Variants in DGKG observed in about 807,000 individuals in gnomAD.
DGKG encodes the protein diacylglycerol kinase gamma.
In DGKG, 78 loss-of-function variants were observed where a neutral mutation model predicts 105.3. The ratio of observed to expected loss-of-function variants is 0.74; its 90% CI spans 0.62 to 0.89. The LOEUF is 0.89. Among genes scored for constraint, DGKG ranks in the 40% least tolerant of loss-of-function variants. The probability of loss-of-function intolerance (pLI) is 0.00; values close to 1 mark genes in which losing one functional copy is unlikely to be tolerated. For missense variants in DGKG, 958 were observed against 1,020.1 expected, an observed-to-expected ratio of 0.94 and a Z score of 0.83; for synonymous variants, 346 against 367.1, an observed-to-expected ratio of 0.94 and a Z score of 0.66.
chr3:186,347,174 C>T (rs868499749), intron 1 of DGKG, among the ~76,000 whole-genome samples: 7 of 151,838 alleles, frequency 4.6e-5, no homozygotes, highest in African/African-American at 1.2e-4. Flanking sequence ...ATTGGCCAGG[C>T]GGGGCGGCTC....
At chr3:186,150,319 G>C in intron 24 of DGKG, 131 bp from the exon 25 acceptor site, 13 of 1,224,790 alleles carry the variant, frequency 1.1e-5, no homozygotes, top group Non-Finnish European at 1.3e-5. Flanking sequence ...AACTGTCCTT[G>C]AACGGCTTCA....
chr3:186,353,186 C>A (rs1322952381), intron 1 of DGKG, among the ~76,000 whole-genome samples: 2 of 152,122 alleles, frequency 1.3e-5, no homozygotes, highest in South Asian at 2.1e-4. Context: ...AGGTCCAATA[C>A]CTTCCCAGGC....
chr3:186,312,377 T>G (rs960825076), intron 2 of DGKG, among the ~76,000 whole-genome samples: 2 of 152,140 alleles, frequency 1.3e-5, no homozygotes, highest in African/African-American at 4.8e-5. Flanking sequence ...TCTGTAGGAC[T>G]GGGCCACAGC....
chr3:186,216,718 C>G (rs1018249454), intron 20 of DGKG, among the ~76,000 whole-genome samples: 1 of 152,184 alleles, frequency 6.6e-6, no homozygotes, highest in Non-Finnish European at 1.5e-5. Flanking sequence ...GCAGCCCCCA[C>G]TCTCCCTGAC....
intron 1 of DGKG, among the ~76,000 whole-genome samples, chr3:186,331,028 T>C (rs1725577774): frequency 6.6e-6 from 1 of 152,352 alleles, no homozygotes. Context: ...AACTTATTCA[T>C]GTCTTAAAAT....
chr3:186,296,043 A>G (rs1723543037), intron 5 of DGKG, among the ~76,000 whole-genome samples: 1 of 151,408 alleles, frequency 6.6e-6, no homozygotes, highest in African/African-American at 2.4e-5. Context: ...TGGGAGCTCG[A>G]GGCTGCAGTA....
At chr3:186,185,593 C>T (rs741483) in intron 22 of DGKG, among the ~76,000 whole-genome samples, 110,969 of 151,806 alleles carry the variant, frequency 0.73, 40,851 homozygotes, top group East Asian at 0.94. Flanking sequence ...CTGCTCATTC[C>T]CTTCTCTGCT....
chr3:186,341,678 T>A (rs1726092707), intron 1 of DGKG, among the ~76,000 whole-genome samples: 1 of 152,190 alleles, frequency 6.6e-6, no homozygotes, highest in Non-Finnish European at 1.5e-5. Flanking sequence ...TGTTTGTTTT[T>A]TTCTTGTAAA....
At chr3:186,180,957 C>A (rs1185825291) in intron 22 of DGKG, among the ~76,000 whole-genome samples, 1 of 152,194 alleles carries the variant, frequency 6.6e-6, no homozygotes, top group East Asian at 1.9e-4. Flanking sequence ...AAAGTGTTCA[C>A]ATCTAGGAGG....
intron 1 of DGKG, among the ~76,000 whole-genome samples, chr3:186,350,540 G>C (rs972707633): frequency 2.0e-5 from 3 of 152,206 alleles, no homozygotes; most frequent in African/African-American, 7.2e-5. Flanking sequence ...GAAGAATGCT[G>C]TTATAAACAT....
chr3:186,302,115 C>T (rs1723949736), intron 3 of DGKG, among the ~76,000 whole-genome samples: 1 of 152,122 alleles, frequency 6.6e-6, no homozygotes, highest in Non-Finnish European at 1.5e-5. Flanking sequence ...CTACTTGGCA[C>T]CTTGGTTCCT....
At position 186,265,177 on chromosome 3, in the gene DGKG, AC is replaced by A; in HGVS notation, c.1269+69del. 3.4e-6 allele frequency: 5 copies of A among 1,482,782 alleles called. No individual in the cohort carries two copies. In the South Asian group the frequency reaches 4.5e-5, roughly 13 times the overall value. The allele number at this position is 1,482,782 out of a possible 1,614,324, so 91.9% of individuals were successfully genotyped here. A position where few individuals can be genotyped will look rare whatever the true frequency, so the allele number is the denominator to read the frequency against. ...TGAGATGCTTTTCTGTAGAACCCAA[AC>A]CCCGTCTTGCCCGCCACAGCCCTGG... On this transcript the variant is annotated intron_variant, in intron 14 of 24. Coordinates refer to ENST00000265022, the MANE Select transcript of DGKG (RefSeq NM_001346.3).
At chr3:186,262,553 A>C (rs1359082653) in intron 14 of DGKG, among the ~76,000 whole-genome samples, 4 of 152,184 alleles carry the variant, frequency 2.6e-5, no homozygotes, top group Non-Finnish European at 4.4e-5. Flanking sequence ...ACTCTTGCCC[A>C]AAAACTTGTA....
intron 22 of DGKG, among the ~76,000 whole-genome samples, chr3:186,184,527 G>T (rs1486498452): frequency 2.0e-5 from 3 of 152,032 alleles, no homozygotes; most frequent in Non-Finnish European, 4.4e-5. Context: ...AGCCTCCCTT[G>T]TAGCTGGGAT....
intron 5 of DGKG, among the ~76,000 whole-genome samples, chr3:186,296,908 C>T (rs1723591706): frequency 6.6e-6 from 1 of 152,138 alleles, no homozygotes; most frequent in Admixed American, 6.5e-5. Flanking sequence ...ATTAGCAACT[C>T]CTCAACTTAT....
chr3:186,258,632 T>C (rs926868217), intron 16 of DGKG, among the ~76,000 whole-genome samples: 2 of 152,206 alleles, frequency 1.3e-5, no homozygotes, highest in Non-Finnish European at 2.9e-5. Context: ...CACAGCCATG[T>C]TAGTGTTTCA....
At chr3:186,242,839 G>A (rs1278647498) in intron 19 of DGKG, among the ~76,000 whole-genome samples, 1 of 152,168 alleles carries the variant, frequency 6.6e-6, no homozygotes, top group Non-Finnish European at 1.5e-5. Flanking sequence ...GCTGAGAACA[G>A]ATAGATAGTT....
intron 1 of DGKG, among the ~76,000 whole-genome samples, chr3:186,359,977 C>A (rs1010581939): frequency 1.3e-5 from 2 of 152,102 alleles, no homozygotes; most frequent in Admixed American, 6.5e-5. Context: ...CGCCCTTTTC[C>A]CCCTTCTCTT....
intron 1 of DGKG, among the ~76,000 whole-genome samples, chr3:186,342,112 C>T (rs543748160): frequency 7.9e-5 from 12 of 152,032 alleles, no homozygotes; most frequent in East Asian, 1.9e-4. Context: ...CACATGTATA[C>T]GTATGTAACT....
Sources: allele counts gnomAD v4.1 joint callset (sites outside exome capture counted in the v4.1 genomes callset), GRCh38; gene constraint gnomAD v4.1.1; transcripts MANE v1.5; gene names NCBI Gene and HGNC (gene_info 2026-07-23, HGNC 2026-07-21).